Variants in TENM2 observed in about 807,000 individuals in gnomAD.
The protein encoded by TENM2 is teneurin transmembrane protein 2.
A neutral mutation model predicts 245.2 loss-of-function variants in TENM2; 52 were observed. The observed-to-expected ratio is 0.21, with a 90% CI of 0.17 to 0.27. The LOEUF (loss-of-function observed/expected upper bound fraction) is 0.27. Ranked by LOEUF, TENM2 falls within the 10% of genes least tolerant of loss-of-function variation. The probability of loss-of-function intolerance (pLI) is 1.00; values close to 1 mark genes in which losing one functional copy is unlikely to be tolerated. For synonymous variants in TENM2, 1,363 were observed against 1,438.9 expected (o/e 0.95, Z 1.19); for missense variants, 3,046 against 3,666.8 (o/e 0.83, Z 4.37).
exon 29 of TENM2, chr5:168,262,237 C>A (rs1205099490): frequency 6.2e-7 from 1 of 1,604,874 alleles, no homozygotes; most frequent in Middle Eastern, 1.7e-4. Context: ...TGACCACGGG[C>A]GTGTCCAGCA....
At chr5:167,069,096 A>G in the TENM2 span, among the ~76,000 whole-genome samples, 34 of 152,192 alleles carry the variant, frequency 2.2e-4, no homozygotes, top group Non-Finnish European at 4.7e-4. Context: ...AGCATTTACT[A>G]ATCTCCCATT....
At chr5:167,237,251 A>G in the TENM2 span, among the ~76,000 whole-genome samples, 1 of 152,208 alleles carries the variant, frequency 6.6e-6, no homozygotes, top group African/African-American at 2.4e-5. Flanking sequence ...TAGGCCCTCA[A>G]TGATACAATT....
At chr5:167,412,964 G>C (rs1762984865) in intron 2 of TENM2, among the ~76,000 whole-genome samples, 1 of 151,778 alleles carries the variant, frequency 6.6e-6, no homozygotes, top group African/African-American at 2.4e-5. Flanking sequence ...GAGTATTTGA[G>C]CCCCTGCCAA....
At chr5:167,344,212 A>G (rs1472027025) in intron 1 of TENM2, among the ~76,000 whole-genome samples, 1 of 149,040 alleles carries the variant, frequency 6.7e-6, no homozygotes, top group African/African-American at 2.5e-5. Flanking sequence ...CAGAGATATG[A>G]AACTGACTGC....
the TENM2 span, among the ~76,000 whole-genome samples, chr5:167,088,680 TTTAA>T: frequency 6.6e-6 from 1 of 152,114 alleles, no homozygotes; most frequent in African/African-American, 2.4e-5. Flanking sequence ...CTATTTATTT[TTTAA>T]TTAATACTCA....
At chr5:167,594,643 T>C (rs924559153) in intron 2 of TENM2, among the ~76,000 whole-genome samples, 2 of 152,216 alleles carry the variant, frequency 1.3e-5, no homozygotes, top group African/African-American at 4.8e-5. Context: ...ATGTTTGTAA[T>C]GTAATCGCAA....
the TENM2 span, among the ~76,000 whole-genome samples, chr5:167,252,983 G>A: frequency 6.5e-3 from 988 of 152,158 alleles, 6 homozygotes; most frequent in Non-Finnish European, 0.011. Flanking sequence ...TCTTTTGACC[G>A]TGTGGGCAAC....
chr5:167,375,518 C>T (rs1760696062), intron 2 of TENM2, 45 bp downstream of exon 4: 1 of 1,504,964 alleles, frequency 6.6e-7, no homozygotes, highest in Admixed American at 2.3e-5. Flanking sequence ...GTGCACTGCA[C>T]CACGTGGGGC....
chr5:167,394,210 A>T (rs942474232), intron 2 of TENM2, among the ~76,000 whole-genome samples: 1 of 152,208 alleles, frequency 6.6e-6, no homozygotes, highest in South Asian at 2.1e-4. Context: ...GACCAAAGTC[A>T]TGAAGTTCTT....
intron 2 of TENM2, among the ~76,000 whole-genome samples, chr5:167,390,878 C>T (rs753614152): frequency 2.0e-5 from 3 of 152,192 alleles, no homozygotes; most frequent in African/African-American, 4.8e-5. Flanking sequence ...ATCTGTCCCA[C>T]TGTGGTATTT....
At chr5:167,046,281 C>A in the TENM2 span, among the ~76,000 whole-genome samples, 53 of 151,894 alleles carry the variant, frequency 3.5e-4, no homozygotes, top group Non-Finnish European at 7.4e-5. Flanking sequence ...CCAAATATTT[C>A]GTTTATTTCC....
At chr5:167,411,327 A>G (rs1762895200) in intron 2 of TENM2, among the ~76,000 whole-genome samples, 1 of 152,158 alleles carries the variant, frequency 6.6e-6, no homozygotes, top group South Asian at 2.1e-4. Context: ...TATTAGATCA[A>G]TTACAAATTC....
At chr5:167,856,056 C>T (rs1006415030) in intron 2 of TENM2, among the ~76,000 whole-genome samples, 2 of 152,180 alleles carry the variant, frequency 1.3e-5, no homozygotes, top group African/African-American at 4.8e-5. Context: ...CTTTTATCTT[C>T]CACACAGTCA....
At chr5:168,001,121 C>G (rs920557396) in intron 5 of TENM2, among the ~76,000 whole-genome samples, 2 of 152,118 alleles carry the variant, frequency 1.3e-5, no homozygotes, top group Non-Finnish European at 2.9e-5. Context: ...TTCCAAATAC[C>G]CAGAATCCTT....
At chr5:167,981,745 C>T (rs560260211) in intron 4 of TENM2, among the ~76,000 whole-genome samples, 14 of 152,166 alleles carry the variant, frequency 9.2e-5, no homozygotes, top group East Asian at 3.9e-4. Flanking sequence ...CACTTTGGGA[C>T]GGCAGATCAC....
the TENM2 span, among the ~76,000 whole-genome samples, chr5:167,133,227 T>C: frequency 1.3e-5 from 2 of 152,094 alleles, no homozygotes; most frequent in Non-Finnish European, 2.9e-5. Context: ...GAGGTTAGTA[T>C]TGAGGCCGAC....
intron 1 of TENM2, among the ~76,000 whole-genome samples, chr5:167,343,211 G>T (rs1705195001): frequency 6.6e-6 from 1 of 151,956 alleles, no homozygotes; most frequent in Non-Finnish European, 1.5e-5. Flanking sequence ...GCACTTTCTT[G>T]CTTTCTGGAA....
At chr5:167,281,234 A>G (rs1034265985), upstream of TENM2, among the ~76,000 whole-genome samples, 23 of 149,774 alleles carry the variant, frequency 1.5e-4, no homozygotes, top group Admixed American at 2.7e-4. Context: ...CAGCATCTTG[A>G]GTAGCTGGGA....
At chr5:168,241,203 C>T (rs1766065670) in intron 25 of TENM2, 1 of 152,104 alleles carries the variant, frequency 6.6e-6, no homozygotes, top group South Asian at 2.1e-4. Flanking sequence ...CCCAAGAACT[C>T]ACCACCTTTA....
Sources: gnomAD v4.1 joint callset for allele counts (sites outside exome capture counted in the v4.1 genomes callset) on GRCh38, gnomAD v4.1.1 for gene constraint, MANE v1.5 for transcripts, NCBI Gene and HGNC (gene_info 2026-07-23, HGNC 2026-07-21) for gene names.